Variants in AKAP6 observed in about 807,000 individuals in gnomAD.
AKAP6 encodes A-kinase anchor protein 6.
A neutral mutation model predicts 188.5 loss-of-function variants in AKAP6; 58 were observed. That is an observed-to-expected ratio of 0.31 (90% CI 0.25 to 0.38). AKAP6 has a LOEUF of 0.38. Among genes scored for constraint, AKAP6 ranks in the 10% least tolerant of loss-of-function variants. The pLI, the probability that AKAP6 is intolerant of heterozygous loss-of-function variation, is 1.00. For missense variants in AKAP6, 2,710 were observed against 2,740.0 expected (o/e 0.99, Z 0.24); for synonymous variants, 989 against 998.6 (o/e 0.99, Z 0.18).
At chr14:32,435,610 T>C (rs1055368649) in intron 2 of AKAP6, among the ~76,000 whole-genome samples, 5 of 152,224 alleles carry the variant, frequency 3.3e-5, no homozygotes, top group African/African-American at 1.2e-4. Context: ...CTGTCTCCCC[T>C]GCTGAGAAAG....
intron 9 of AKAP6, among the ~76,000 whole-genome samples, chr14:32,731,593 G>T (rs1037018678): frequency 6.6e-6 from 1 of 152,004 alleles, no homozygotes; most frequent in African/African-American, 2.4e-5. Context: ...TGTAAAATAT[G>T]TTTAATATTT....
chr14:32,356,968 A>G (rs1005106596), intron 1 of AKAP6, among the ~76,000 whole-genome samples: 3 of 152,068 alleles, frequency 2.0e-5, no homozygotes, highest in Non-Finnish European at 4.4e-5. Flanking sequence ...GCCTCTAGTA[A>G]AATTCATATT....
chr14:32,717,810 A>C (rs1414442527), intron 9 of AKAP6, among the ~76,000 whole-genome samples: 3 of 152,060 alleles, frequency 2.0e-5, no homozygotes, highest in Non-Finnish European at 2.9e-5. Context: ...GTGAACTGTC[A>C]TTCTTCTGAG....
chr14:32,611,618 G>A (rs947724766), intron 7 of AKAP6, among the ~76,000 whole-genome samples: 3 of 152,170 alleles, frequency 2.0e-5, no homozygotes, highest in Non-Finnish European at 4.4e-5. Context: ...TAGGGTAATT[G>A]AGAGCCAGGA....
At chr14:32,813,225 GAA>G (rs2034284012) in intron 12 of AKAP6, among the ~76,000 whole-genome samples, 1 of 152,088 alleles carries the variant, frequency 6.6e-6, no homozygotes, top group South Asian at 2.1e-4. Flanking sequence ...TACAACTCAA[GAA>G]AAACCAGACG....
At chr14:32,536,765 T>A (rs1284610824) in intron 3 of AKAP6, among the ~76,000 whole-genome samples, 2 of 152,234 alleles carry the variant, frequency 1.3e-5, no homozygotes, top group South Asian at 2.1e-4. Flanking sequence ...TGTCTCATTC[T>A]TAAATACAAT....
chr14:32,744,476 C>A (rs574158042), intron 11 of AKAP6, among the ~76,000 whole-genome samples: 26 of 152,164 alleles, frequency 1.7e-4, no homozygotes, highest in African/African-American at 6.0e-4. Flanking sequence ...GCCACCACAC[C>A]CAGCCAATTC....
At chr14:32,557,289 A>G (rs1303995557) in intron 4 of AKAP6, among the ~76,000 whole-genome samples, 2 of 152,094 alleles carry the variant, frequency 1.3e-5, no homozygotes, top group Non-Finnish European at 2.9e-5. Flanking sequence ...TGTAGAGACA[A>G]CATTTCACCA....
At chr14:32,761,424 C>G (rs1203131270) in intron 11 of AKAP6, among the ~76,000 whole-genome samples, 1 of 152,048 alleles carries the variant, frequency 6.6e-6, no homozygotes, top group Non-Finnish European at 1.5e-5. Context: ...CTAGGAGTGG[C>G]TTGTTAGAAA....
chr14:32,724,989 C>CAAAAAAAAA (rs1286933012), intron 9 of AKAP6, among the ~76,000 whole-genome samples: 1 of 5,504 alleles, frequency 1.8e-4, no homozygotes, highest in Non-Finnish European at 4.5e-4. Flanking sequence ...TATATTCAAC[C>CAAAAAAAAA]TAAAAAAAAA....
In AKAP6 at chr14:32,621,198, ATTTCT is replaced by A. The variant is rs1466707326; in HGVS notation, c.2730+20413_2730+20417del. On this transcript the variant is annotated intron_variant, in intron 7 of 13. Coordinates refer to ENST00000280979, the MANE Select transcript of AKAP6 (RefSeq NM_004274.5). ...ATTTAGCTCTCATCTGGTCTTTTTT[ATTTCT>A]TTTCTTCTGCTAGGTTTGAGTTTGG... Among the ~76,000 whole-genome samples the A allele has an allele frequency of 5.4e-5, 8 of 149,314 alleles. No individual in the cohort carries two copies. The South Asian group carries it at 6.4e-4, about 12-fold the overall frequency.
intron 1 of AKAP6, among the ~76,000 whole-genome samples, chr14:32,339,625 C>T (rs1305613864): frequency 6.6e-6 from 1 of 152,078 alleles, no homozygotes; most frequent in East Asian, 1.9e-4. Flanking sequence ...CATGAATCCC[C>T]AGCTGTAAAT....
chr14:32,752,883 G>A (rs917588188), intron 11 of AKAP6, among the ~76,000 whole-genome samples: 1 of 151,872 alleles, frequency 6.6e-6, no homozygotes, highest in Non-Finnish European at 1.5e-5. Context: ...AGACTGAATA[G>A]CATTTCATTA....
intron 4 of AKAP6, among the ~76,000 whole-genome samples, chr14:32,551,946 G>C (rs112765754): frequency 6.6e-6 from 1 of 151,956 alleles, no homozygotes; most frequent in Admixed American, 6.6e-5. Flanking sequence ...GATTATAGGC[G>C]TGAGCCACCA....
chr14:32,449,521 CAAAAAAAAAA>C (rs33960351), intron 2 of AKAP6, among the ~76,000 whole-genome samples: 2 of 104,610 alleles, frequency 1.9e-5, no homozygotes, highest in East Asian at 3.1e-4. Context: ...GACTCCATCT[CAAAAAAAAAA>C]AAAAAAAAAA....
At chr14:32,512,919 T>TA (rs1185501054) in intron 2 of AKAP6, among the ~76,000 whole-genome samples, 3 of 152,224 alleles carry the variant, frequency 2.0e-5, no homozygotes, top group Non-Finnish European at 4.4e-5. Context: ...CATAAGTTTA[T>TA]ATAAACTAAT....
chr14:32,761,096 C>T (rs184821430), intron 11 of AKAP6, among the ~76,000 whole-genome samples: 61 of 152,204 alleles, frequency 4.0e-4, no homozygotes, highest in African/African-American at 1.0e-3. Context: ...TTATTTTAGA[C>T]GCTATGAAAA....
At chr14:32,729,427 T>A (rs527523242) in intron 9 of AKAP6, among the ~76,000 whole-genome samples, 1 of 152,304 alleles carries the variant, frequency 6.6e-6, no homozygotes, top group East Asian at 1.9e-4. Context: ...AGTTTTAGCA[T>A]TTGTGCTAAA....
intron 7 of AKAP6, among the ~76,000 whole-genome samples, chr14:32,609,497 GCA>G (rs973819836): frequency 1.3e-5 from 2 of 152,144 alleles, no homozygotes; most frequent in Non-Finnish European, 2.9e-5. Context: ...CCATCTCACT[GCA>G]GGTTCCAGGC....
Sources: gnomAD v4.1 joint callset for allele counts (sites outside exome capture counted in the v4.1 genomes callset) on GRCh38, gnomAD v4.1.1 for gene constraint, MANE v1.5 for transcripts, NCBI Gene and HGNC (gene_info 2026-07-23, HGNC 2026-07-21) for gene names.